PPM1A: variants seen among roughly 807,000 people sequenced by gnomAD.
The protein encoded by PPM1A is protein phosphatase, Mg2+/Mn2+ dependent 1A, also known as protein phosphatase 1A.
In PPM1A, 7 loss-of-function variants were observed where a neutral mutation model predicts 35.0. That is an observed-to-expected ratio of 0.20 (90% confidence interval 0.11 to 0.38). The LOEUF (loss-of-function observed/expected upper bound fraction) is 0.38. Ranked by LOEUF, PPM1A falls within the 10% of genes least tolerant of loss-of-function variation. PPM1A has a pLI of 1.00. For missense variants in PPM1A, 239 were observed against 467.8 expected (o/e 0.51, Z 4.51); for synonymous variants, 153 against 167.3 (o/e 0.91, Z 0.66).
intron 1 of PPM1A, among the ~76,000 whole-genome samples, chr14:60,268,053 A>G (rs1309666970): frequency 6.6e-6 from 1 of 152,082 alleles, no homozygotes; most frequent in Non-Finnish European, 1.5e-5. Flanking sequence ...CTAATATACA[A>G]TCCATAGTCA....
chr14:60,296,081 A>G lies in PPM1A; in HGVS notation c.*3599A>G, dbSNP rs535127013. ...GAAAATTATCCAGCCATGGAAATGT[A>G]GGTGGGGTTTGAGTTTAAGGCATTT... is the stretch of plus-strand genomic sequence containing the variant. On this transcript the variant is annotated 3_prime_UTR_variant, in exon 6 of 6. Transcript: ENST00000395076. This position sits in a 1 kb window ranked among gnomAD's most constrained non-coding sequence, Gnocchi z 4.4. 10 of 151,840 alleles carry G rather than the reference A, an allele frequency of 6.6e-5. No homozygotes were observed. In the South Asian group the frequency reaches 2.1e-3, roughly 31 times the overall value. The allele number at this position is 151,840 out of a possible 1,614,324, so 9.4% of individuals were successfully genotyped here. A position where few individuals can be genotyped will look rare whatever the true frequency, so the allele number is the denominator to read the frequency against.
In PPM1A at chr14:60,255,159, G is replaced by GTTTTT. The variant is rs869066455; in HGVS notation, c.-21+5492_-21+5496dup. ...TGTCTGTGTATTATTTCTATCATAT[G>GTTTTT]TTTTTTTTTTTTTTGTTTTGTTTTG... On this transcript the variant is annotated intron_variant, in intron 1 of 5. Transcript: ENST00000395076. Among the ~76,000 whole-genome samples, 79 of 100,796 alleles carry GTTTTT rather than the reference G, an allele frequency of 7.8e-4. 8 individuals carry two copies. Among genetic ancestry groups the GTTTTT allele is most frequent in the Middle Eastern group, 5.2e-3 (1 of 194 alleles). The allele number at this position is 100,796 out of a possible 152,430, so 66.1% of individuals were successfully genotyped here. A position where few individuals can be genotyped will look rare whatever the true frequency, so the allele number is the denominator to read the frequency against.
At position 60,282,086 on chromosome 14, in the gene PPM1A, T is replaced by C. The variant is rs1886467492; in HGVS notation, c.-20-598T>C. On this transcript the variant is annotated intron_variant, in intron 1 of 5. Transcript: ENST00000395076. This position sits in a 1 kb window ranked among gnomAD's most constrained non-coding sequence, Gnocchi z 5.1. ...GGTAGACTTAAAAGGATAGGTATAC[T>C]TTTTTCTATAAATAGGATGAGGCAA... 6.6e-6 allele frequency among the ~76,000 whole-genome samples: 1 copy of C among 152,208 alleles called. No homozygotes were observed. Among genetic ancestry groups the C allele is most frequent in the Non-Finnish European group, 1.5e-5 (1 of 68,040 alleles).
chr14:60,255,503 TA>T (rs1883009045), intron 1 of PPM1A, among the ~76,000 whole-genome samples: 1 of 152,226 alleles, frequency 6.6e-6, no homozygotes, highest in Admixed American at 6.5e-5. Flanking sequence ...TATTTGTGTC[TA>T]AATTATAATT....
intron 1 of PPM1A, among the ~76,000 whole-genome samples, chr14:60,253,770 C>T (rs1595259983): frequency 6.6e-6 from 1 of 152,142 alleles, no homozygotes; most frequent in Non-Finnish European, 1.5e-5. Context: ...CATGTTAATT[C>T]TCAAGTGGTT....
chr14:60,287,077 A>T, intron 3 of PPM1A: 1 of 950,396 alleles, frequency 1.1e-6, no homozygotes. Flanking sequence ...TTGGCACTTT[A>T]ACTTGGGCAG....
chr14:60,294,427 C>CGAAGTAT lies in PPM1A; in HGVS notation c.*1948_*1954dup, dbSNP rs1887901750. 6.6e-6 allele frequency: 1 copy of CGAAGTAT among 151,742 alleles called. No homozygotes were observed. Among genetic ancestry groups the CGAAGTAT allele is most frequent in the South Asian group, 2.1e-4 (1 of 4,818 alleles). 9.4% of individuals were successfully genotyped at this position (151,742 alleles called of 1,614,324 possible). A position where few individuals can be genotyped will look rare whatever the true frequency, so the allele number is the denominator to read the frequency against. Reference sequence around the variant, plus strand: ...TAATGTCTAAATCTGTGGTAGAGTGCGAAGTATGATAATGTTCTAAGTTAT... The same window carrying CGAAGTAT: ...TAATGTCTAAATCTGTGGTAGAGTGCGAAGTATGAAGTATGATAATGTTCTAAGTTAT... On this transcript the variant is annotated 3_prime_UTR_variant, in exon 6 of 6. Coordinates refer to ENST00000395076, the MANE Select transcript of PPM1A (RefSeq NM_021003.5).
chr14:60,295,730 T>C lies in PPM1A; in HGVS notation c.*3248T>C, dbSNP rs1888008663. 1 of 151,602 alleles carries C rather than the reference T, an allele frequency of 6.6e-6. No individual in the cohort carries two copies. Among genetic ancestry groups the C allele is most frequent in the Admixed American group, 6.6e-5 (1 of 15,184 alleles). The allele number at this position is 151,602 out of a possible 1,614,324, so 9.4% of individuals were successfully genotyped here. A position where few individuals can be genotyped will look rare whatever the true frequency, so the allele number is the denominator to read the frequency against. On this transcript the variant is annotated 3_prime_UTR_variant, in exon 6 of 6. Coordinates refer to ENST00000395076, the MANE Select transcript of PPM1A (RefSeq NM_021003.5). ...TGGACAATTTATAATCTAGTGTATGTTAGTATTATAACTGGATCACTCATC... is the reference window on the plus strand; with the variant it reads ...TGGACAATTTATAATCTAGTGTATGCTAGTATTATAACTGGATCACTCATC...
At chr14:60,287,267 C>T in intron 3 of PPM1A, 1 of 972,534 alleles carries the variant, frequency 1.0e-6, no homozygotes, top group Non-Finnish European at 1.2e-6. Context: ...TTTTATATTT[C>T]TTATTATCAA....
At chr14:60,285,430 T>G (rs536956437) in intron 2 of PPM1A, among the ~76,000 whole-genome samples, 194 bp from the exon 3 acceptor site, 9 of 152,062 alleles carry the variant, frequency 5.9e-5, no homozygotes. Context: ...CTGTATTCTC[T>G]CTATACTGTT....
intron 1 of PPM1A, among the ~76,000 whole-genome samples, chr14:60,268,765 A>G (rs1282986878): frequency 6.6e-6 from 1 of 151,646 alleles, no homozygotes; most frequent in Non-Finnish European, 1.5e-5. Context: ...GATTTTTCTC[A>G]TTATTGTTTC....
chr14:60,256,819 T>C (rs1371027008), intron 1 of PPM1A: 3 of 152,234 alleles, frequency 2.0e-5, no homozygotes, highest in Non-Finnish European at 2.9e-5. Flanking sequence ...TCTTGGACTT[T>C]GCAGAAATAA....
intron 3 of PPM1A, chr14:60,287,114 G>T: frequency 7.4e-6 from 7 of 945,736 alleles, no homozygotes; most frequent in Non-Finnish European, 8.8e-6. Context: ...GTTTAAAGAA[G>T]TAATAAGTAT....
Position 60,249,341 on chromosome 14 carries a change from G to A in PPM1A, c.-357G>A. 1 of 971,926 alleles carries A rather than the reference G, an allele frequency of 1.0e-6. No individual in the cohort carries two copies. Among genetic ancestry groups the A allele is most frequent in the Non-Finnish European group, 1.2e-6 (1 of 825,676 alleles). 60.2% of individuals were successfully genotyped at this position (971,926 alleles called of 1,614,324 possible). Reference sequence around the variant, plus strand: ...GGGTCCTCAGGCGGCTGTTGCTCCGGAACGGGTGGTTGGGGAGGGGGGGGT... The same window carrying A: ...GGGTCCTCAGGCGGCTGTTGCTCCGAAACGGGTGGTTGGGGAGGGGGGGGT... On this transcript the variant is annotated 5_prime_UTR_variant, in exon 1 of 6. Coordinates refer to ENST00000395076, the MANE Select transcript of PPM1A (RefSeq NM_021003.5). This position sits in a 1 kb window ranked among gnomAD's most constrained non-coding sequence, Gnocchi z 4.5.
Position 60,283,337 on chromosome 14 carries a change from G to T in PPM1A, c.634G>T (p.Glu212Ter). 1 of 1,614,172 alleles carries T rather than the reference G, an allele frequency of 6.2e-7. No individual in the cohort carries two copies. The highest frequency in any genetic ancestry group is 1.1e-5 in the South Asian group (1 of 91,076). Residue 212 changes from glutamate to a stop codon, truncating the protein, a stop_gained, in exon 2 of 6, where the codon GAG becomes TAG. Transcript: ENST00000395076. LOFTEE classifies it high-confidence loss of function. The surrounding 1 kb of genome is among the most constrained non-coding windows in gnomAD (Gnocchi z 6.3). ...ATGTGTCCATGGAAAAGGTCCTACT[G>T]AGCAGCTTGTCTCACCAGAGCCTGA... ...YKCVHGKGPT[E>*]QLVSPEPEVH...
chr14:60,247,822 T>C (rs573056001), upstream of PPM1A, among the ~76,000 whole-genome samples: 1 of 152,076 alleles, frequency 6.6e-6, no homozygotes, highest in Non-Finnish European at 1.5e-5. Flanking sequence ...TAGAAAGTAG[T>C]AGGGTGCAAA....
chr14:60,246,573 T>C (rs1420450082), upstream of PPM1A, among the ~76,000 whole-genome samples: 1 of 152,250 alleles, frequency 6.6e-6, no homozygotes, highest in Admixed American at 6.5e-5. Flanking sequence ...CAAATATGTG[T>C]AGAGGCCCGG....
At position 60,283,810 on chromosome 14, in the gene PPM1A, C is replaced by G. The variant is rs1886648297; in HGVS notation, c.834+273C>G. Among the ~76,000 whole-genome samples the G allele has an allele frequency of 6.6e-6, 1 of 152,098 alleles. No homozygotes were observed. The highest frequency in any genetic ancestry group is 1.5e-5 in the Non-Finnish European group (1 of 68,010). On this transcript the variant is annotated intron_variant, in intron 2 of 5. Coordinates refer to ENST00000395076, the MANE Select transcript of PPM1A (RefSeq NM_021003.5). The surrounding 1 kb of genome is among the most constrained non-coding windows in gnomAD (Gnocchi z 6.3). Reference sequence around the variant, plus strand: ...ATTATCAAAGGTAAAAAGATTTTATCAGAGTGCATGTTTTGAAAGAAAGAG... The same window carrying G: ...ATTATCAAAGGTAAAAAGATTTTATGAGAGTGCATGTTTTGAAAGAAAGAG...
chr14:60,254,181 G>A (rs1220660716), intron 1 of PPM1A, among the ~76,000 whole-genome samples: 1 of 152,160 alleles, frequency 6.6e-6, no homozygotes, highest in Non-Finnish European at 1.5e-5. Context: ...CTTTTGCAGT[G>A]TGCCTGGAAG....
Sources: gnomAD v4.1 joint callset for allele counts (sites outside exome capture counted in the v4.1 genomes callset) on GRCh38, gnomAD v4.1.1 for gene constraint, Gnocchi (gnomAD v3.1) non-coding constraint, MANE v1.5 for transcripts, NCBI Gene and HGNC (gene_info 2026-07-23, HGNC 2026-07-21) for gene names.